Variants in AUTS2 observed in about 807,000 individuals in gnomAD.
The protein encoded by AUTS2 is autism susceptibility gene 2 protein.
A neutral mutation model predicts 112.4 loss-of-function variants in AUTS2; 17 were observed. The ratio of observed to expected loss-of-function variants is 0.15; its 90% CI spans 0.10 to 0.23. The LOEUF is 0.23. Among genes scored for constraint, AUTS2 ranks in the 10% least tolerant of loss-of-function variants. The pLI, the probability that AUTS2 is intolerant of heterozygous loss-of-function variation, is 1.00. For missense variants in AUTS2, 1,510 were observed against 1,701.6 expected, an observed-to-expected ratio of 0.89 and a Z score of 1.98; for synonymous variants, 751 against 702.7, an observed-to-expected ratio of 1.07 and a Z score of -1.09.
intron 1 of AUTS2, among the ~76,000 whole-genome samples, chr7:69,639,420 A>G (rs1794702344): frequency 6.6e-6 from 1 of 152,200 alleles, no homozygotes; most frequent in Non-Finnish European, 1.5e-5. Context: ...TGAGGCTCTA[A>G]GGGACCTTTG....
At chr7:70,417,287 A>G (rs1239595784) in intron 4 of AUTS2, among the ~76,000 whole-genome samples, 1 of 152,152 alleles carries the variant, frequency 6.6e-6, no homozygotes, top group African/African-American at 2.4e-5. Flanking sequence ...GAGGAAAACC[A>G]TTTTGCAATG....
At chr7:70,318,458 G>A (rs932525046) in intron 4 of AUTS2, among the ~76,000 whole-genome samples, 1 of 152,094 alleles carries the variant, frequency 6.6e-6, no homozygotes, top group African/African-American at 2.4e-5. Context: ...GCGGCCCACC[G>A]ATAACCTTAA....
At chr7:70,316,146 G>A (rs1309203119) in intron 4 of AUTS2, among the ~76,000 whole-genome samples, 1 of 152,238 alleles carries the variant, frequency 6.6e-6, no homozygotes. Flanking sequence ...GTGGGGATAA[G>A]TGGTTGATTA....
chr7:70,193,023 GAAGAA>G (rs1200078190), intron 4 of AUTS2, among the ~76,000 whole-genome samples: 1 of 152,224 alleles, frequency 6.6e-6, no homozygotes, highest in Non-Finnish European at 1.5e-5. Context: ...AGAGAGAAGA[GAAGAA>G]AACCACATGG....
chr7:70,737,627 A>C (rs1426506155), intron 6 of AUTS2, among the ~76,000 whole-genome samples: 1 of 152,128 alleles, frequency 6.6e-6, no homozygotes, highest in Non-Finnish European at 1.5e-5. Context: ...CCTTAAACTC[A>C]CGGACCACAG....
intron 1 of AUTS2, among the ~76,000 whole-genome samples, chr7:69,830,931 T>A (rs1017463620): frequency 6.6e-6 from 1 of 152,226 alleles, no homozygotes; most frequent in African/African-American, 2.4e-5. Context: ...GGTTTTCATC[T>A]TCTTTTCCCA....
intron 5 of AUTS2, among the ~76,000 whole-genome samples, chr7:70,686,248 A>T (rs1808469054): frequency 6.6e-6 from 1 of 152,202 alleles, no homozygotes; most frequent in South Asian, 2.1e-4. Context: ...ACTAATGATG[A>T]AGGTAAGTTG....
chr7:70,517,407 A>G (rs1799458776), intron 5 of AUTS2, among the ~76,000 whole-genome samples: 1 of 152,124 alleles, frequency 6.6e-6, no homozygotes, highest in Non-Finnish European at 1.5e-5. Context: ...CCATCATTTG[A>G]TTCTTGGTGT....
intron 1 of AUTS2, among the ~76,000 whole-genome samples, chr7:69,752,660 G>T (rs1354372901): frequency 6.6e-6 from 1 of 152,164 alleles, no homozygotes; most frequent in Non-Finnish European, 1.5e-5. Context: ...ACTCGTGGGT[G>T]AATTAATCTT....
chr7:69,760,329 C>T (rs1033731803), intron 1 of AUTS2, among the ~76,000 whole-genome samples: 6 of 151,130 alleles, frequency 4.0e-5, no homozygotes, highest in African/African-American at 1.2e-4. Context: ...GTCATCGCAC[C>T]TGGCCTCTTA....
intron 6 of AUTS2, among the ~76,000 whole-genome samples, chr7:70,744,990 T>C (rs1392655688): frequency 6.6e-6 from 1 of 152,052 alleles, no homozygotes; most frequent in Non-Finnish European, 1.5e-5. Context: ...CATTGCAGGC[T>C]CTCCTCAGGA....
rs942373419 is a variant in AUTS2, at chr7:69,731,557, A to G, written c.309+131595A>G. Among the ~76,000 whole-genome samples the G allele has an allele frequency of 3.9e-5, 6 of 152,238 alleles. No homozygotes were observed. The South Asian group carries it at 1.2e-3, about 31-fold the overall frequency. ...ACTTTTATTAACAAGTAACATTTGTATAACATTTATGACCTACAGAGCCCT... is the reference window on the plus strand; with the variant it reads ...ACTTTTATTAACAAGTAACATTTGTGTAACATTTATGACCTACAGAGCCCT... On this transcript the variant is annotated intron_variant, in intron 1 of 18. Transcript: ENST00000342771.
chr7:69,785,627 A>G (rs904330155), intron 1 of AUTS2, among the ~76,000 whole-genome samples: 1 of 152,228 alleles, frequency 6.6e-6, no homozygotes, highest in South Asian at 2.1e-4. Context: ...GCTTTTCACC[A>G]TTGGAAGGGT....
chr7:69,600,779 G>A (rs1792358207), intron 1 of AUTS2, among the ~76,000 whole-genome samples: 1 of 152,014 alleles, frequency 6.6e-6, no homozygotes, highest in Admixed American at 6.6e-5. Flanking sequence ...AGACTGGTGG[G>A]AGGGAAGAAT....
At chr7:70,439,448 G>A (rs372341003) in intron 5 of AUTS2, among the ~76,000 whole-genome samples, 1 of 151,448 alleles carries the variant, frequency 6.6e-6, no homozygotes, top group South Asian at 2.1e-4. Context: ...CTGAGGCAGG[G>A]GAATTGCTTG....
chr7:70,139,949 C>T lies in AUTS2; in HGVS notation c.660+5378C>T, dbSNP rs186807434. Among the ~76,000 whole-genome samples, 845 of 152,232 alleles carry T rather than the reference C, an allele frequency of 5.6e-3. 5 individuals are homozygous for T. The highest frequency in any genetic ancestry group is 0.01 in the Middle Eastern group (3 of 294). ...CTGGGAGGCAGAGGTTGCAGTGAGA[C>T]AGGATGGCGCCATTGCACTCCAGCC... On this transcript the variant is annotated intron_variant, in intron 4 of 18. Coordinates refer to ENST00000342771, the MANE Select transcript of AUTS2 (RefSeq NM_015570.4).
At chr7:69,968,131 A>T (rs561014047) in intron 2 of AUTS2, among the ~76,000 whole-genome samples, 1 of 152,196 alleles carries the variant, frequency 6.6e-6, no homozygotes, top group African/African-American at 2.4e-5. Flanking sequence ...TCAAGGTATT[A>T]TTTGTTACAA....
intron 5 of AUTS2, among the ~76,000 whole-genome samples, chr7:70,688,502 G>A (rs370851431): frequency 2.6e-5 from 4 of 152,206 alleles, no homozygotes; most frequent in East Asian, 1.9e-4. Context: ...AATTGAGGTG[G>A]TGGGTCCTCC....
intron 1 of AUTS2, among the ~76,000 whole-genome samples, chr7:69,610,792 G>A (rs139302505): frequency 2.6e-4 from 40 of 152,254 alleles, no homozygotes; most frequent in African/African-American, 3.6e-4. Flanking sequence ...GAGTCCAGGC[G>A]TGTCATAACC....
Sources: gnomAD v4.1 joint callset for allele counts (sites outside exome capture counted in the v4.1 genomes callset) on GRCh38, gnomAD v4.1.1 for gene constraint, MANE v1.5 for transcripts, NCBI Gene and HGNC (gene_info 2026-07-23, HGNC 2026-07-21) for gene names.